Variants in C12orf50 observed in about 807,000 individuals in gnomAD.
C12orf50 encodes zinc finger CCCH-type containing 11D.
In C12orf50, 35 loss-of-function variants were observed where a neutral mutation model predicts 61.6. The ratio of observed to expected loss-of-function variants is 0.57; its 90% CI spans 0.43 to 0.75. The LOEUF is 0.75. Among genes scored for constraint, C12orf50 ranks in the 30% least tolerant of loss-of-function variants. C12orf50 has a pLI of 0.00. For synonymous variants in C12orf50, 178 were observed against 161.5 expected (o/e 1.10, Z -0.77); for missense variants, 475 against 488.5 (o/e 0.97, Z 0.26).
At chr12:87,994,523 T>G in intron 7 of C12orf50, 110 bp downstream of exon 7, 1 of 789,088 alleles carries the variant, frequency 1.3e-6, no homozygotes, top group Non-Finnish European at 2.0e-6. Context: ...CAAACTCTTG[T>G]GTTAAACATG....
intron 4 of C12orf50, 94 bp from the exon 5 acceptor site, chr12:87,996,740 A>C: frequency 6.3e-5 from 52 of 823,922 alleles, no homozygotes; most frequent in Non-Finnish European, 8.9e-5. Context: ...TACTGTTCTC[A>C]TGGATAGATT....
intron 7 of C12orf50, among the ~76,000 whole-genome samples, chr12:87,991,692 G>A (rs796119305): frequency 1.3e-5 from 2 of 152,244 alleles, no homozygotes; most frequent in African/African-American, 4.8e-5. Flanking sequence ...CTACAATGAT[G>A]TACCACTAGC....
At chr12:88,019,690 C>G (rs534400142) in intron 3 of C12orf50, among the ~76,000 whole-genome samples, 1 of 150,530 alleles carries the variant, frequency 6.6e-6, no homozygotes, top group Non-Finnish European at 1.5e-5. Flanking sequence ...AGAGGAAGAA[C>G]AATCCAGGGA....
At chr12:88,009,644 A>G (rs1255232751) in intron 3 of C12orf50, among the ~76,000 whole-genome samples, 1 of 152,122 alleles carries the variant, frequency 6.6e-6, no homozygotes, top group Non-Finnish European at 1.5e-5. Flanking sequence ...ATAGGTTCCA[A>G]CAACAAAGAA....
Position 88,026,614 on chromosome 12 carries a change from T to A in C12orf50, c.13-6A>T, listed in dbSNP as rs369792781. On this transcript the variant is annotated splice_polypyrimidine_tract_variant and splice_region_variant and intron_variant, in intron 2 of 12. Transcript: ENST00000298699. The stretch of plus-strand genomic sequence containing the variant: ...CATGAAATGCTGCAGTTTTGCTAGA[T>A]AAAAGGAGATTGGGGGAAATGTAAT... The A allele has an allele frequency of 2.6e-5, 42 of 1,612,132 alleles. No individual in the cohort carries two copies. Among genetic ancestry groups the A allele is most frequent in the Non-Finnish European group, 3.4e-5 (40 of 1,179,860 alleles).
chr12:88,002,204 A>G (rs1231733219), intron 3 of C12orf50, among the ~76,000 whole-genome samples: 1 of 151,722 alleles, frequency 6.6e-6, no homozygotes, highest in South Asian at 2.1e-4. Flanking sequence ...CTTTTACTAA[A>G]CACAAAGTAT....
chr12:87,986,138 T>A (rs549704593), intron 10 of C12orf50, 85 bp from the exon 11 acceptor site: 2 of 1,456,560 alleles, frequency 1.4e-6, no homozygotes, highest in Admixed American at 3.5e-5. Context: ...AAATACTTCA[T>A]AGCATAATGG....
intron 3 of C12orf50, among the ~76,000 whole-genome samples, chr12:88,012,384 G>A (rs909516669): frequency 5.3e-5 from 8 of 152,150 alleles, no homozygotes; most frequent in Non-Finnish European, 8.8e-5. Context: ...TAGGTTAAAA[G>A]AGCCTTTTGT....
At chr12:87,980,842 G>T (rs540174763) in intron 12 of C12orf50, among the ~76,000 whole-genome samples, 1 of 152,068 alleles carries the variant, frequency 6.6e-6, no homozygotes, top group Admixed American at 6.6e-5. Flanking sequence ...TCTCCTGTCC[G>T]CCAGTGCCCT....
At chr12:88,009,410 G>T (rs2136460161) in intron 3 of C12orf50, among the ~76,000 whole-genome samples, 1 of 152,014 alleles carries the variant, frequency 6.6e-6, no homozygotes, top group South Asian at 2.1e-4. Context: ...TGATCATCTT[G>T]TTTGTTTACA....
In C12orf50 at chr12:87,985,941, G is replaced by A. The variant is rs368194114; in HGVS notation, c.1035C>T (p.Val345=). ...IHVQRDAVRT[V]ALNAPSRSRP... is the part of the protein sequence containing the mutation. ...TGCTGCGGGAAGGTGCATTCAACGCGACAGTCCTGACAGCATCTCTTTGAA... is the reference window on the plus strand; with the variant it reads ...TGCTGCGGGAAGGTGCATTCAACGCAACAGTCCTGACAGCATCTCTTTGAA... The change falls in exon 11 of 13, where the codon GTC becomes GTT. Residue 345 remains valine (V), a synonymous_variant. Transcript: ENST00000298699. 3.8e-5 allele frequency: 62 copies of A among 1,613,740 alleles called. No individual in the cohort carries two copies. The highest frequency in any genetic ancestry group is 1.7e-4 in the Middle Eastern group (1 of 6,050).
chr12:87,980,473 C>T lies in C12orf50; in HGVS notation c.1220-117G>A. ...TAAAGGCAAAGAAAAACTAATCTTA[C>T]TGTTTTAACTTATAAATTTTCAAAA... On this transcript the variant is annotated intron_variant, in intron 12 of 12. Coordinates refer to ENST00000298699, the MANE Select transcript of C12orf50 (RefSeq NM_152589.3). 1.5e-5 allele frequency: 13 copies of T among 848,696 alleles called. No homozygotes were observed. In the South Asian group the frequency reaches 2.0e-4, roughly 13 times the overall value. 52.6% of individuals were successfully genotyped at this position (848,696 alleles called of 1,614,324 possible).
At chr12:88,026,030 G>A (rs1274124967) in intron 3 of C12orf50, among the ~76,000 whole-genome samples, 1 of 152,142 alleles carries the variant, frequency 6.6e-6, no homozygotes, top group Non-Finnish European at 1.5e-5. Flanking sequence ...GTGTTAGAAA[G>A]AACCATCACA....
At chr12:88,027,206 G>T in intron 1 of C12orf50, 136 bp from the exon 2 acceptor site, 1 of 920,800 alleles carries the variant, frequency 1.1e-6, no homozygotes, top group Non-Finnish European at 1.5e-6. Flanking sequence ...TCAATTTTAG[G>T]CCATAAGTCT....
intron 12 of C12orf50, 57 bp downstream of exon 12, chr12:87,983,046 A>C (rs1406565134): frequency 2.8e-6 from 3 of 1,080,716 alleles, no homozygotes; most frequent in Non-Finnish European, 4.1e-6. Flanking sequence ...CTTGCACTTG[A>C]AAACTTATTC....
chr12:87,986,826 A>C (rs1420571816), intron 9 of C12orf50, among the ~76,000 whole-genome samples: 1 of 152,174 alleles, frequency 6.6e-6, no homozygotes, highest in Non-Finnish European at 1.5e-5. Context: ...AAGAAGTTGG[A>C]TTAATGTAAA....
At chr12:88,006,897 G>A (rs2136454962) in intron 3 of C12orf50, among the ~76,000 whole-genome samples, 1 of 152,278 alleles carries the variant, frequency 6.6e-6, no homozygotes, top group South Asian at 2.1e-4. Context: ...AGGAGTGGGT[G>A]GTGGTTCCAA....
At chr12:88,003,334 G>C (rs1439767722) in intron 3 of C12orf50, among the ~76,000 whole-genome samples, 1 of 151,794 alleles carries the variant, frequency 6.6e-6, no homozygotes, top group Admixed American at 6.6e-5. Flanking sequence ...TTTAAAATCA[G>C]ATTATAGAAG....
In C12orf50 at chr12:87,996,507, G is replaced by C. The variant is rs10858678; in HGVS notation, c.368-20C>G. 0.083 allele frequency: 131,642 copies of C among 1,591,276 alleles called. 5,890 individuals carry two copies. The highest frequency in any genetic ancestry group is 0.095 in the African/African-American group (7,056 of 74,448). On this transcript the variant is annotated intron_variant, in intron 5 of 12. Transcript: ENST00000298699. ...ATTCCCCTAATCAACCATAAGAAAAGTAATGGTTAGTATATTTATCACATC... is the reference window on the plus strand; with the variant it reads ...ATTCCCCTAATCAACCATAAGAAAACTAATGGTTAGTATATTTATCACATC...
Sources: allele counts gnomAD v4.1 joint callset (sites outside exome capture counted in the v4.1 genomes callset), GRCh38; gene constraint gnomAD v4.1.1; transcripts MANE v1.5; gene names NCBI Gene and HGNC (gene_info 2026-07-23, HGNC 2026-07-21).